The following AP2A1 variants were observed in gnomAD, a reference collection of about 807,000 sequenced individuals.
The protein encoded by AP2A1 is AP-2 complex subunit alpha-1.
A neutral mutation model predicts 107.3 loss-of-function variants in AP2A1; 21 were observed. The observed-to-expected ratio is 0.20, with a 90% CI of 0.14 to 0.28. The LOEUF is 0.28. Ranked by LOEUF, AP2A1 falls within the 10% of genes least tolerant of loss-of-function variation. The pLI, the probability that AP2A1 is intolerant of heterozygous loss-of-function variation, is 1.00. For missense variants in AP2A1, 873 were observed against 1,307.7 expected, an observed-to-expected ratio of 0.67 and a Z score of 5.13; for synonymous variants, 602 against 564.8, an observed-to-expected ratio of 1.07 and a Z score of -0.93.
rs2084731048 is a variant in AP2A1, at chr19:49,785,906, G to A, written c.473+3182G>A. 6.6e-6 allele frequency among the ~76,000 whole-genome samples: 1 copy of A among 151,268 alleles called. No individual in the cohort carries two copies. Among genetic ancestry groups the A allele is most frequent in the South Asian group, 2.1e-4 (1 of 4,782 alleles). On this transcript the variant is annotated intron_variant, in intron 4 of 22. Transcript: ENST00000354293. This position sits in a 1 kb window ranked among gnomAD's most constrained non-coding sequence, Gnocchi z 4.1. ...CACTCCAGCCTGGGTGACAGAGCGAGACTCCATCTCAAAAAAAAAAAACAT... is the reference window on the plus strand; with the variant it reads ...CACTCCAGCCTGGGTGACAGAGCGAAACTCCATCTCAAAAAAAAAAAACAT...
At chr19:49,796,386 C>T (rs2073214006) in intron 7 of AP2A1, 1 of 152,396 alleles carries the variant, frequency 6.6e-6, no homozygotes, top group Non-Finnish European at 1.5e-5. Flanking sequence ...CCCTCTGCCA[C>T]TGAGCTCCCC....
At chr19:49,803,419 G>T (rs372944525) in intron 18 of AP2A1, 43 bp downstream of exon 18, 140 of 1,563,012 alleles carry the variant, frequency 9.0e-5, no homozygotes, top group Non-Finnish European at 1.2e-4. Flanking sequence ...TCTCCACGTC[G>T]GCCTTCCTCA....
chr19:49,802,366 G>A (rs1044452276), intron 15 of AP2A1: 1 of 885,898 alleles, frequency 1.1e-6, no homozygotes, highest in Non-Finnish European at 1.8e-6. Context: ...ACCCTTCGTT[G>A]TCTCCTTTCC....
rs757936776 is a variant in AP2A1, at chr19:49,807,049, C to T, written c.*291C>T. 6.5e-4 allele frequency: 1,023 copies of T among 1,562,240 alleles called. No homozygotes were observed. Among genetic ancestry groups the T allele is most frequent in the Non-Finnish European group, 8.2e-4 (957 of 1,160,808 alleles). ...CTCCCACCCCACCCTGTTGTAGCCC[C>T]TCCTACCCCCTCCCCATCCAGGGGC... On this transcript the variant is annotated 3_prime_UTR_variant, in exon 23 of 23. Coordinates refer to ENST00000354293, the MANE Select transcript of AP2A1 (RefSeq NM_130787.3).
At position 49,806,977 on chromosome 19, in the gene AP2A1, C is replaced by A. The variant is rs767090213; in HGVS notation, c.*219C>A. The A allele has an allele frequency of 3.1e-5, 47 of 1,530,336 alleles. 1 individual carries two copies. Among genetic ancestry groups the A allele is most frequent in the South Asian group, 2.2e-4 (18 of 83,078 alleles). 94.8% of individuals were successfully genotyped at this position (1,530,336 alleles called of 1,614,324 possible). ...GGAGTCCCCCTCCCTCCCTTTCCCCCCCAAGCACAGAGGGGAGAGGGGCCA... is the reference window on the plus strand; with the variant it reads ...GGAGTCCCCCTCCCTCCCTTTCCCCACCAAGCACAGAGGGGAGAGGGGCCA... On this transcript the variant is annotated 3_prime_UTR_variant, in exon 23 of 23. Transcript: ENST00000354293.
At chr19:49,772,999 G>A (rs2084580684) in intron 1 of AP2A1, among the ~76,000 whole-genome samples, 1 of 151,938 alleles carries the variant, frequency 6.6e-6, no homozygotes, top group Non-Finnish European at 1.5e-5. Context: ...TGCGGAGGAG[G>A]AGGTGGGGAG....
rs775031716 is a variant in AP2A1 at position 49,801,519 on chromosome 19, C to A, written c.1683C>A (p.Gly561=). 1.9e-6 allele frequency: 3 copies of A among 1,613,688 alleles called. No homozygotes were observed. The highest frequency in any genetic ancestry group is 1.1e-5 in the South Asian group (1 of 91,082). Reference sequence around the variant, plus strand: ...CCGAGACCAAGGCCACCATCCAGGGCGTCCTGCGGGCCGGCTCCCAGCTGC... The same window carrying A: ...CCGAGACCAAGGCCACCATCCAGGGAGTCCTGCGGGCCGGCTCCCAGCTGC... The part of the protein sequence containing the change: ...LFPETKATIQ[G]VLRAGSQLRN... Residue 561 remains glycine (G), a synonymous_variant, in exon 13 of 23, where the codon GGC becomes GGA. Transcript: ENST00000354293.
chr19:49,785,889 C>A lies in AP2A1; in HGVS notation c.473+3165C>A, dbSNP rs2084730723. Among the ~76,000 whole-genome samples the A allele has an allele frequency of 6.6e-6, 1 of 151,792 alleles. No individual in the cohort carries two copies. The highest frequency in any genetic ancestry group is 1.5e-5 in the Non-Finnish European group (1 of 67,970). ...TGGAGATTGTGCCACTGCACTCCAGCCTGGGTGACAGAGCGAGACTCCATC... is the reference window on the plus strand; with the variant it reads ...TGGAGATTGTGCCACTGCACTCCAGACTGGGTGACAGAGCGAGACTCCATC... On this transcript the variant is annotated intron_variant, in intron 4 of 22. Transcript: ENST00000354293. The surrounding 1 kb of genome is among the most constrained non-coding windows in gnomAD (Gnocchi z 4.1).
In AP2A1 at chr19:49,801,495, C is replaced by G. The variant is rs201965025; in HGVS notation, c.1659C>G (p.Pro553=). The G allele has an allele frequency of 7.4e-6, 12 of 1,613,680 alleles. No homozygotes were observed. The highest frequency in any genetic ancestry group is 1.6e-4 in the Middle Eastern group (1 of 6,084). Residue 553 remains proline, a synonymous_variant, in exon 13 of 23, where the codon CCC becomes CCG. Coordinates refer to ENST00000354293, the MANE Select transcript of AP2A1 (RefSeq NM_130787.3). ...ACATCAAGTTCATCAACCTCTTCCC[C>G]GAGACCAAGGCCACCATCCAGGGCG... ...STYIKFINLF[P]ETKATIQGVL...
At chr19:49,794,448 C>T (rs894254527) in intron 6 of AP2A1, among the ~76,000 whole-genome samples, 3 of 152,052 alleles carry the variant, frequency 2.0e-5, no homozygotes, top group East Asian at 1.9e-4. Flanking sequence ...GTGATCCTCC[C>T]GCCTCAGCCT....
Position 49,782,527 on chromosome 19 carries a change from A to G in AP2A1, c.280-4A>G. ...CTAGCCATCCACGACCTCCCTCCCC[A>G]CAGGGTTACCTGTTCATTTCTGTGC... On this transcript the variant is annotated splice_polypyrimidine_tract_variant and splice_region_variant and intron_variant, in intron 3 of 22. Coordinates refer to ENST00000354293, the MANE Select transcript of AP2A1 (RefSeq NM_130787.3). 1.2e-6 allele frequency: 2 copies of G among 1,612,954 alleles called. No individual in the cohort carries two copies. The highest frequency in any genetic ancestry group is 1.7e-5 in the Admixed American group (1 of 59,902).
At chr19:49,795,847 C>G in intron 7 of AP2A1, 109 bp downstream of exon 7, 1 of 882,014 alleles carries the variant, frequency 1.1e-6, no homozygotes, top group Non-Finnish European at 1.8e-6. Context: ...GTCAGGATTT[C>G]TCTGAAGCTG....
intron 1 of AP2A1, among the ~76,000 whole-genome samples, chr19:49,772,050 C>T (rs2057653267): frequency 6.6e-6 from 1 of 151,972 alleles, no homozygotes; most frequent in South Asian, 2.1e-4. Flanking sequence ...GGCAACATAG[C>T]AAGACCCTGT....
chr19:49,772,653 G>T (rs1025748240), intron 1 of AP2A1, among the ~76,000 whole-genome samples: 2 of 151,512 alleles, frequency 1.3e-5, no homozygotes, highest in Admixed American at 1.3e-4. Context: ...CCGCCAACAC[G>T]CCCGGCTAAT....
intron 1 of AP2A1, among the ~76,000 whole-genome samples, chr19:49,775,469 C>T (rs373553988): frequency 6.6e-6 from 1 of 152,072 alleles, no homozygotes; most frequent in African/African-American, 2.4e-5. Flanking sequence ...TGTGCACCAC[C>T]ATGCCCGGCT....
At chr19:49,783,530 C>CT (rs1230308644) in intron 4 of AP2A1, among the ~76,000 whole-genome samples, 5 of 152,286 alleles carry the variant, frequency 3.3e-5, no homozygotes, top group African/African-American at 1.2e-4. Context: ...GACTCATGTT[C>CT]TCCCTGAAAC....
At chr19:49,780,911 G>A (rs879412663) in intron 1 of AP2A1, among the ~76,000 whole-genome samples, 6 of 151,994 alleles carry the variant, frequency 3.9e-5, no homozygotes, top group Non-Finnish European at 5.9e-5. Flanking sequence ...CCCGATTGGC[G>A]TGAGGATGTC....
chr19:49,806,435 G>C (rs1031482646), intron 22 of AP2A1, 182 bp downstream of exon 22: 19 of 1,434,438 alleles, frequency 1.3e-5, no homozygotes, highest in African/African-American at 2.9e-5. Flanking sequence ...CCAACCTCTG[G>C]TGTTCCTCTC....
rs902347385 is a variant in AP2A1 at position 49,771,303 on chromosome 19, TAAAAAAAAAAA to T, written c.67+4116_67+4126del. Among the ~76,000 whole-genome samples the T allele has an allele frequency of 3.0e-3, 294 of 98,042 alleles. 2 individuals carry two copies. The highest frequency in any genetic ancestry group is 0.011 in the African/African-American group (270 of 25,196). 64.3% of individuals were successfully genotyped at this position (98,042 alleles called of 152,430 possible). On this transcript the variant is annotated intron_variant, in intron 1 of 22. Coordinates refer to ENST00000354293, the MANE Select transcript of AP2A1 (RefSeq NM_130787.3). ...GGCCACATAGTGAAACCTCATCTCT[TAAAAAAAAAAA>T]AAAAAAAAAAAAGAAAGGTCCTGGA...
Sources: gnomAD v4.1 joint callset for allele counts (sites outside exome capture counted in the v4.1 genomes callset) on GRCh38, gnomAD v4.1.1 for gene constraint, Gnocchi (gnomAD v3.1) non-coding constraint, MANE v1.5 for transcripts, NCBI Gene and HGNC (gene_info 2026-07-23, HGNC 2026-07-21) for gene names.